The following GRB10 variants were observed in gnomAD, a reference collection of about 807,000 sequenced individuals.
GRB10 encodes the protein growth factor receptor-bound protein 10.
In GRB10, 20 loss-of-function variants were observed where a neutral mutation model predicts 80.9. The ratio of observed to expected loss-of-function variants is 0.25; its 90% CI spans 0.17 to 0.36. The LOEUF (loss-of-function observed/expected upper bound fraction) is 0.36. Ranked by LOEUF, GRB10 falls within the 10% of genes least tolerant of loss-of-function variation. GRB10 has a pLI of 1.00. For missense variants in GRB10, 548 were observed against 747.7 expected, an observed-to-expected ratio of 0.73 and a Z score of 3.12; for synonymous variants, 291 against 291.5, an observed-to-expected ratio of 1.00 and a Z score of 0.02.
chr7:50,603,490 C>T (rs1191032247), intron 17 of GRB10, among the ~76,000 whole-genome samples: 4 of 152,222 alleles, frequency 2.6e-5, no homozygotes, highest in Non-Finnish European at 5.9e-5. Flanking sequence ...CAACAGCTCA[C>T]AGCAACAACC....
chr7:50,728,752 C>T (rs1194894819), intron 4 of GRB10, among the ~76,000 whole-genome samples: 1 of 152,312 alleles, frequency 6.6e-6, no homozygotes, highest in African/African-American at 2.4e-5. Flanking sequence ...CTCACTGCAA[C>T]CTCCACCTCC....
At chr7:50,709,452 G>A (rs541060899) in intron 4 of GRB10, among the ~76,000 whole-genome samples, 175 of 152,306 alleles carry the variant, frequency 1.1e-3, no homozygotes, top group African/African-American at 4.0e-3. Flanking sequence ...CGTAAGCCAC[G>A]TTTTGGGGAT....
intron 4 of GRB10, among the ~76,000 whole-genome samples, chr7:50,708,101 C>T (rs898487508): frequency 1.2e-4 from 19 of 152,288 alleles, no homozygotes; most frequent in Middle Eastern, 3.4e-3. Flanking sequence ...TGAGACTTAT[C>T]CTTAAAATGT....
At chr7:50,736,060 C>T (rs978650322) in intron 3 of GRB10, among the ~76,000 whole-genome samples, 95 of 151,806 alleles carry the variant, frequency 6.3e-4, no homozygotes, top group African/African-American at 2.2e-3. Context: ...CCAAGGCGGG[C>T]GGATCACTTG....
chr7:50,744,416 T>C lies in GRB10; in HGVS notation c.-47+11471A>G, dbSNP rs186186587. On this transcript the variant is annotated intron_variant, in intron 3 of 18. Coordinates refer to ENST00000401949, the MANE Select transcript of GRB10 (RefSeq NM_001350814.2). ...AGCTGAGCACTGAACAAGGTAGGAGTTGGAGCACGAACATCCCATGCAGTT... is the reference window on the plus strand; with the variant it reads ...AGCTGAGCACTGAACAAGGTAGGAGCTGGAGCACGAACATCCCATGCAGTT... Among the ~76,000 whole-genome samples the C allele has an allele frequency of 1.6e-4, 25 of 151,980 alleles. No homozygotes were observed. In the East Asian group the frequency reaches 3.7e-3, roughly 22 times the overall value.
intron 2 of GRB10, among the ~76,000 whole-genome samples, chr7:50,775,042 T>A (rs1279987673): frequency 6.8e-6 from 1 of 146,856 alleles, no homozygotes; most frequent in Non-Finnish European, 1.5e-5. Flanking sequence ...ACGCCTGTAG[T>A]CCCAGCTACT....
chr7:50,789,345 A>G (rs1199630059), intron 1 of GRB10, among the ~76,000 whole-genome samples: 1 of 152,200 alleles, frequency 6.6e-6, no homozygotes, highest in African/African-American at 2.4e-5. Flanking sequence ...ACATCGCCAC[A>G]AAGACTGCAT....
intron 3 of GRB10, among the ~76,000 whole-genome samples, chr7:50,739,992 C>T (rs960442513): frequency 2.6e-5 from 4 of 152,206 alleles, no homozygotes; most frequent in African/African-American, 9.6e-5. Context: ...AGGAACCTAG[C>T]CAGCCCGGAA....
At chr7:50,624,249 C>T (rs2052452004) in intron 8 of GRB10, among the ~76,000 whole-genome samples, 1 of 152,222 alleles carries the variant, frequency 6.6e-6, no homozygotes, top group Non-Finnish European at 1.5e-5. Context: ...TACAAGGAGA[C>T]AGCAATGCCT....
chr7:50,770,232 T>C (rs2076846365), intron 2 of GRB10, among the ~76,000 whole-genome samples: 1 of 152,172 alleles, frequency 6.6e-6, no homozygotes. Context: ...ATCCACGTTT[T>C]AACACAAAAA....
At chr7:50,740,140 G>T (rs545555907) in intron 3 of GRB10, among the ~76,000 whole-genome samples, 1 of 152,146 alleles carries the variant, frequency 6.6e-6, no homozygotes, top group Non-Finnish European at 1.5e-5. Context: ...TACATTGAAC[G>T]TGTGTTTCAG....
intron 5 of GRB10, among the ~76,000 whole-genome samples, chr7:50,677,258 C>T (rs2061053011): frequency 6.6e-6 from 1 of 152,170 alleles, no homozygotes; most frequent in African/African-American, 2.4e-5. Context: ...ATAATTACTG[C>T]ATAATCAATA....
At chr7:50,706,536 C>T (rs2065058630) in intron 4 of GRB10, among the ~76,000 whole-genome samples, 1 of 152,220 alleles carries the variant, frequency 6.6e-6, no homozygotes, top group Non-Finnish European at 1.5e-5. Flanking sequence ...TTTCATAACA[C>T]CCAAGCCAGC....
chr7:50,645,691 T>C, intron 7 of GRB10: 1 of 882,680 alleles, frequency 1.1e-6, no homozygotes, highest in Non-Finnish European at 1.4e-6. Flanking sequence ...TCTTGGGGTC[T>C]GTCCATTTGC....
chr7:50,732,148 C>G (rs765010551), intron 4 of GRB10, 124 bp downstream of exon 4: 234 of 968,998 alleles, frequency 2.4e-4, no homozygotes, highest in Non-Finnish European at 3.0e-4. Context: ...TCACCAGCCC[C>G]TGCTCCAGCG....
intron 3 of GRB10, among the ~76,000 whole-genome samples, chr7:50,735,884 G>A (rs2329492): frequency 0.91 from 138,255 of 152,232 alleles, 62,909 homozygotes; most frequent in African/African-American, 0.96. Context: ...AAACAAAACA[G>A]AACAAAACAA....
At chr7:50,614,986 C>G in intron 11 of GRB10, 106 bp from the exon 12 acceptor site, 1 of 757,296 alleles carries the variant, frequency 1.3e-6, no homozygotes, top group Non-Finnish European at 2.4e-6. Flanking sequence ...GCACTTTCCC[C>G]GATGACACTA....
At chr7:50,660,193 T>G (rs1390941508) in intron 7 of GRB10, among the ~76,000 whole-genome samples, 2 of 151,772 alleles carry the variant, frequency 1.3e-5, no homozygotes, top group African/African-American at 4.8e-5. Flanking sequence ...AAGTAGGGGG[T>G]GCAGCCATCA....
intron 3 of GRB10, among the ~76,000 whole-genome samples, chr7:50,735,837 A>AT (rs1465905018): frequency 1.3e-5 from 2 of 152,194 alleles, no homozygotes; most frequent in East Asian, 3.8e-4. Context: ...AAAATGAAAG[A>AT]TTTTTTGTTT....
Sources: allele counts gnomAD v4.1 joint callset (sites outside exome capture counted in the v4.1 genomes callset), GRCh38; gene constraint gnomAD v4.1.1; transcripts MANE v1.5; gene names NCBI Gene and HGNC (gene_info 2026-07-23, HGNC 2026-07-21).